Variants in ALG9 observed in about 807,000 individuals in gnomAD.
ALG9 encodes alpha-1,2-mannosyltransferase ALG9.
In ALG9, 55 loss-of-function variants were observed where a neutral mutation model predicts 81.8. That is an observed-to-expected ratio of 0.67 (90% CI 0.54 to 0.84). ALG9 has a LOEUF of 0.84. ALG9 is among the 40% of genes least tolerant of loss of function. The probability of loss-of-function intolerance (pLI) is 0.00; values close to 1 mark genes in which losing one functional copy is unlikely to be tolerated. For synonymous variants in ALG9, 278 were observed against 274.3 expected (o/e 1.01, Z -0.13); for missense variants, 629 against 745.0 (o/e 0.84, Z 1.81).
rs1049547563 is a variant in ALG9, at chr11:111,785,531, A to G, written c.*866T>C. The G allele has an allele frequency of 1.1e-4, 17 of 153,170 alleles. No homozygotes were observed. Among genetic ancestry groups the G allele is most frequent in the African/African-American group, 4.1e-4 (17 of 41,456 alleles). The allele number at this position is 153,170 out of a possible 1,614,324, so 9.5% of individuals were successfully genotyped here. ...AGGAAAATTCTTAATTTCCTCAGCA[A>G]TGGCCTCAGATTACATTACTTAAAA... On this transcript the variant is annotated 3_prime_UTR_variant, in exon 15 of 15. Transcript: ENST00000616540.
chr11:111,861,798 T>A (rs889853302), intron 4 of ALG9, among the ~76,000 whole-genome samples: 9 of 152,092 alleles, frequency 5.9e-5, no homozygotes. Context: ...CTTTTTTTTT[T>A]AAACTGAAAA....
intron 13 of ALG9, among the ~76,000 whole-genome samples, chr11:111,821,771 G>C (rs1555104003): frequency 2.6e-5 from 4 of 152,088 alleles, no homozygotes; most frequent in African/African-American, 9.7e-5. Context: ...GAGTAGCTGG[G>C]ACTACAGGCG....
Position 111,839,601 on chromosome 11 carries a change from A to AGG in ALG9, c.1173+1052_1173+1053dup, listed in dbSNP as rs34197912. Among the ~76,000 whole-genome samples the AGG allele has an allele frequency of 1.1e-3, 102 of 94,224 alleles. 1 individual carries two copies. The highest frequency in any genetic ancestry group is 3.3e-3 in the African/African-American group (73 of 22,338). 61.8% of individuals were successfully genotyped at this position (94,224 alleles called of 152,430 possible). On this transcript the variant is annotated intron_variant, in intron 10 of 14. Coordinates refer to ENST00000616540, the MANE Select transcript of ALG9 (RefSeq NM_024740.2). ...AAGATTCCGTCTCAAAAAAAAAAAA[A>AGG]GGGGGGGGGGGATATAAAGTTACAT...
Position 111,823,590 on chromosome 11 carries a change from T to C in ALG9, c.1602+12575A>G, listed in dbSNP as rs568044873. ...AGCTATTTAAAGCCAATGTTAAATA[T>C]GGAAAGGTTACAGAAATTTTGTGGG... is the stretch of plus-strand genomic sequence containing the variant. On this transcript the variant is annotated intron_variant, in intron 13 of 14. Transcript: ENST00000616540. Among the ~76,000 whole-genome samples, 4 of 152,318 alleles carry C rather than the reference T, an allele frequency of 2.6e-5. No homozygotes were observed. The East Asian group carries it at 7.7e-4, about 29-fold the overall frequency.
At position 111,836,278 on chromosome 11, in the gene ALG9, T is replaced by C. The variant is rs138584071; in HGVS notation, c.1489A>G (p.Ile497Val). Reference sequence around the variant, plus strand: ...AACTGACCTCTGAACTCTGATGGAATGAACTGAAGCTGCCAACTGTCAGAA... The same window carrying C: ...AACTGACCTCTGAACTCTGATGGAACGAACTGAAGCTGCCAACTGTCAGAA... ...LLPDNWQLQF[I>V]PSEFRGQLPK... Residue 497 changes from isoleucine to valine, a missense_variant, in exon 13 of 15, where the codon ATT becomes GTT. This residue lies in a region of ALG9 where 264 missense variants were observed against 302.2 expected (regional missense o/e 0.87). Coordinates refer to ENST00000616540, the MANE Select transcript of ALG9 (RefSeq NM_024740.2). 1.7e-4 allele frequency: 281 copies of C among 1,614,080 alleles called. 1 individual carries two copies. The highest frequency in any genetic ancestry group is 3.3e-4 in the Admixed American group (20 of 60,020).
At chr11:111,837,763 G>A in intron 11 of ALG9, 148 bp from the exon 12 acceptor site, 1 of 924,764 alleles carries the variant, frequency 1.1e-6, no homozygotes, top group South Asian at 1.4e-5. Context: ...AGCCTGCTCT[G>A]CAGGTATAAA....
At position 111,809,737 on chromosome 11, in the gene ALG9, C is replaced by A; in HGVS notation, c.1639G>T (p.Asp547Tyr). 6.2e-7 allele frequency: 1 copy of A among 1,613,966 alleles called. No individual in the cohort carries two copies. Among genetic ancestry groups the A allele is most frequent in the Non-Finnish European group, 8.5e-7 (1 of 1,179,962 alleles). The change falls in exon 14 of 15, where the codon GAC (aspartate) becomes TAC (tyrosine). Residue 547 changes from aspartate (D) to tyrosine (Y), a missense_variant. Around this residue, in one of 3 missense-constraint regions of ALG9, gnomAD observed 264 missense variants for 302.2 expected, o/e 0.87. Coordinates refer to ENST00000616540, the MANE Select transcript of ALG9 (RefSeq NM_024740.2). ...TCCCGGGGTGTTTCTCTCATGGTGT[C>A]CAAATCCACTAAATAATGGCATTTA... is the stretch of plus-strand genomic sequence containing the variant. Reference protein sequence around the residue: ...ISKCHYLVDLDTMRETPREPK... With the variant: ...ISKCHYLVDLYTMRETPREPK...
At chr11:111,778,816 C>CTTTTTT (rs61190059), downstream of ALG9, among the ~76,000 whole-genome samples, 1 of 138,596 alleles carries the variant, frequency 7.2e-6, no homozygotes. Flanking sequence ...CTTTTCTTTT[C>CTTTTTT]TTTTTTTTTT....
the ALG9 span, among the ~76,000 whole-genome samples, chr11:111,776,360 C>T: frequency 0.25 from 38,617 of 151,960 alleles, 5,151 homozygotes; most frequent in Middle Eastern, 0.31. Context: ...GAGGCTGAGG[C>T]GGGCAGATCA....
chr11:111,781,538 T>C (rs562311748), downstream of ALG9, among the ~76,000 whole-genome samples: 4 of 152,386 alleles, frequency 2.6e-5, no homozygotes, highest in African/African-American at 9.6e-5. Context: ...AAAATTAGAC[T>C]CTCACAGTCC....
At chr11:111,780,431 C>T (rs1945869911), downstream of ALG9, among the ~76,000 whole-genome samples, 1 of 147,648 alleles carries the variant, frequency 6.8e-6, no homozygotes, top group Non-Finnish European at 1.5e-5. Flanking sequence ...GAGTCTTGCT[C>T]CGTCACCCAG....
rs1959753636 is a variant in ALG9, at chr11:111,860,632, A to G, written c.480T>C (p.Ala160=). 6.2e-7 allele frequency: 1 copy of G among 1,612,624 alleles called. No individual in the cohort carries two copies. The highest frequency in any genetic ancestry group is 1.3e-5 in the African/African-American group (1 of 74,924). Residue 160 remains alanine (A), a synonymous_variant, in exon 5 of 15, where the codon GCT becomes GCC. Transcript: ENST00000616540. ...CGTGCAACCCAAACTTCTTGCACAC[A>G]GCCCTAGGAAAAAGGCAAAGACTAT... ...SCICELYFYK[A]VCKKFGLHVS...
chr11:111,842,874 A>C (rs1301254710), intron 9 of ALG9, among the ~76,000 whole-genome samples: 1 of 152,216 alleles, frequency 6.6e-6, no homozygotes, highest in Non-Finnish European at 1.5e-5. Context: ...CATACTGTAG[A>C]GAACAGCTTA....
In ALG9 at chr11:111,809,686, C is replaced by G; in HGVS notation, c.1690G>C (p.Glu564Gln). 6.2e-7 allele frequency: 1 copy of G among 1,614,086 alleles called. No individual in the cohort carries two copies. The highest frequency in any genetic ancestry group is 8.5e-7 in the Non-Finnish European group (1 of 1,179,974). The change falls in exon 14 of 15, where the codon GAA (glutamate) becomes CAA (glutamine). Residue 564 changes from glutamate (E) to glutamine (Q), a missense_variant. Physicochemically the swap from Glu to Gln is conservative, Grantham distance 29 (BLOSUM62 2). This residue lies in a region of ALG9 where 264 missense variants were observed against 302.2 expected (regional missense o/e 0.87). Transcript: ENST00000616540. ...GGTCTATAGGCCAAGCTGATCCATT[C>G]TTCTTTATTGGATGAATATTTTGGC... ...REPKYSSNKE[E>Q]WISLAYRPFL... is the part of the protein sequence containing the mutation.
At chr11:111,780,348 T>C (rs1181377464), downstream of ALG9, among the ~76,000 whole-genome samples, 2 of 152,096 alleles carry the variant, frequency 1.3e-5, no homozygotes, top group Admixed American at 1.3e-4. Context: ...AAATTGCCCT[T>C]TTTGAGTACT....
Position 111,840,750 on chromosome 11 carries a change from T to C in ALG9, c.1078A>G (p.Ile360Val). The C allele has an allele frequency of 6.2e-7, 1 of 1,613,200 alleles. No individual in the cohort carries two copies. Among genetic ancestry groups the C allele is most frequent in the South Asian group, 1.1e-5 (1 of 91,042 alleles). Residue 360 changes from isoleucine to valine, a missense_variant, in exon 10 of 15, where the codon ATT (isoleucine) becomes GTT (valine). Ile to Val is a conservative substitution (Grantham distance 29). Coordinates refer to ENST00000616540, the MANE Select transcript of ALG9 (RefSeq NM_024740.2). ...TLAPMYIWFI[I>V]FFIQPHKEER... Reference sequence around the variant, plus strand: ...TCTTTGTGAGGCTGGATGAAGAAAATTATAAACCAAATATACATTGGAGCC... The same window carrying C: ...TCTTTGTGAGGCTGGATGAAGAAAACTATAAACCAAATATACATTGGAGCC...
chr11:111,858,492 A>G (rs1402237353), intron 5 of ALG9, among the ~76,000 whole-genome samples: 1 of 152,204 alleles, frequency 6.6e-6, no homozygotes, highest in Non-Finnish European at 1.5e-5. Context: ...AATTCTAGAA[A>G]GCCTCCTCAA....
intron 8 of ALG9, among the ~76,000 whole-genome samples, chr11:111,850,958 A>T (rs1957706820): frequency 6.6e-6 from 1 of 152,208 alleles, no homozygotes; most frequent in Non-Finnish European, 1.5e-5. Flanking sequence ...TCTCAGGTTC[A>T]TTAAAGTAGG....
intron 13 of ALG9, among the ~76,000 whole-genome samples, chr11:111,830,519 A>G (rs1341124884): frequency 6.6e-6 from 1 of 152,252 alleles, no homozygotes; most frequent in Non-Finnish European, 1.5e-5. Context: ...TGCCAACATA[A>G]TGAATACTAA....
Sources: gnomAD v4.1 joint callset for allele counts (sites outside exome capture counted in the v4.1 genomes callset) on GRCh38, gnomAD v4.1.1 for gene constraint, gnomAD v4.1.1 regional missense constraint, MANE v1.5 for transcripts, NCBI Gene and HGNC (gene_info 2026-07-23, HGNC 2026-07-21) for gene names.